CSMD3: variants seen among roughly 807,000 people sequenced by gnomAD.
The protein encoded by CSMD3 is CUB and sushi domain-containing protein 3.
In CSMD3, 177 loss-of-function variants were observed where a neutral mutation model predicts 435.2. The observed-to-expected ratio is 0.41, with a 90% confidence interval of 0.36 to 0.46. The LOEUF (loss-of-function observed/expected upper bound fraction) is 0.46. Among genes scored for constraint, CSMD3 ranks in the 20% least tolerant of loss-of-function variants. The pLI is 0.34. For synonymous variants in CSMD3, 1,656 were observed against 1,520.5 expected (o/e 1.09, Z -2.07); for missense variants, 4,265 against 4,504.6 (o/e 0.95, Z 1.52).
chr8:112,570,274 A>G (rs1337123200), intron 24 of CSMD3, among the ~76,000 whole-genome samples: 1 of 152,198 alleles, frequency 6.6e-6, no homozygotes, highest in Non-Finnish European at 1.5e-5. Context: ...AAAAGATACA[A>G]TTGAACTAAA....
intron 22 of CSMD3, among the ~76,000 whole-genome samples, chr8:112,596,767 C>T (rs1358149679): frequency 6.6e-6 from 1 of 152,074 alleles, no homozygotes; most frequent in East Asian, 1.9e-4. Flanking sequence ...TGAATGACTA[C>T]TGGATACATA....
At chr8:113,383,160 G>A (rs769266079) in intron 1 of CSMD3, among the ~76,000 whole-genome samples, 22 of 152,134 alleles carry the variant, frequency 1.4e-4, no homozygotes, top group South Asian at 6.2e-4. Flanking sequence ...ATGAAAGAAC[G>A]TAAGTCTTAA....
chr8:112,912,877 A>G (rs1280505282), intron 10 of CSMD3, among the ~76,000 whole-genome samples: 1 of 152,040 alleles, frequency 6.6e-6, no homozygotes, highest in East Asian at 1.9e-4. Flanking sequence ...GCAAGAAAAC[A>G]ACTCAATTAA....
At chr8:112,652,616 T>G (rs547239943) in intron 18 of CSMD3, among the ~76,000 whole-genome samples, 1 of 152,292 alleles carries the variant, frequency 6.6e-6, no homozygotes, top group South Asian at 2.1e-4. Flanking sequence ...TGTGGTGCAT[T>G]GATCTAGGAG....
intron 3 of CSMD3, among the ~76,000 whole-genome samples, chr8:113,210,838 G>C (rs144780953): frequency 6.6e-6 from 1 of 151,604 alleles, no homozygotes; most frequent in South Asian, 2.1e-4. Context: ...CAAGAGCACC[G>C]CTGCACTCTA....
chr8:113,377,151 G>T, intron 1 of CSMD3: 1 of 1,246,848 alleles, frequency 8.0e-7, no homozygotes, highest in Non-Finnish European at 1.0e-6. Flanking sequence ...GCCGAGGGGT[G>T]TACGCCCCGG....
intron 47 of CSMD3, 55 bp downstream of exon 47, chr8:112,318,782 G>A: frequency 8.3e-7 from 1 of 1,202,736 alleles, no homozygotes; most frequent in East Asian, 2.5e-5. Context: ...CCTATATTAA[G>A]TTAAACATAA....
intron 1 of CSMD3, among the ~76,000 whole-genome samples, chr8:113,421,876 C>T (rs971481535): frequency 3.3e-5 from 5 of 152,166 alleles, no homozygotes; most frequent in African/African-American, 1.2e-4. Flanking sequence ...AAAAACCACA[C>T]TCTGATAGAA....
intron 17 of CSMD3, among the ~76,000 whole-genome samples, chr8:112,657,566 C>G (rs1016355088): frequency 6.6e-6 from 1 of 152,198 alleles, no homozygotes; most frequent in African/African-American, 2.4e-5. Flanking sequence ...TGTATAACAT[C>G]TATTTTAAAA....
At chr8:113,330,376 AT>A (rs1300364589) in intron 1 of CSMD3, among the ~76,000 whole-genome samples, 1 of 151,972 alleles carries the variant, frequency 6.6e-6, no homozygotes, top group South Asian at 2.1e-4. Flanking sequence ...AACAAAAAAA[AT>A]GAGGCAGTAA....
intron 6 of CSMD3, among the ~76,000 whole-genome samples, chr8:113,014,428 T>C (rs1368528674): frequency 1.3e-5 from 2 of 151,884 alleles, no homozygotes; most frequent in Non-Finnish European, 2.9e-5. Flanking sequence ...GTGGGGCTGA[T>C]TGGCAGCCCC....
intron 24 of CSMD3, among the ~76,000 whole-genome samples, chr8:112,572,106 A>G (rs1480079778): frequency 1.3e-5 from 2 of 151,870 alleles, no homozygotes; most frequent in Non-Finnish European, 2.9e-5. Flanking sequence ...ATATTGCTCA[A>G]TATCATTACT....
At chr8:112,730,130 T>C (rs13273445) in intron 13 of CSMD3, among the ~76,000 whole-genome samples, 9 of 152,102 alleles carry the variant, frequency 5.9e-5, no homozygotes, top group African/African-American at 1.9e-4. Flanking sequence ...TTCCATTTTG[T>C]TTTTGTTTGT....
At chr8:112,347,290 C>T (rs984610903) in intron 40 of CSMD3, among the ~76,000 whole-genome samples, 9 of 152,050 alleles carry the variant, frequency 5.9e-5, no homozygotes, top group African/African-American at 1.9e-4. Context: ...TATTCTTGAC[C>T]GTCTAAAGCA....
intron 10 of CSMD3, among the ~76,000 whole-genome samples, chr8:112,888,664 C>T (rs551856310): frequency 1.3e-5 from 2 of 151,740 alleles, no homozygotes; most frequent in Admixed American, 6.6e-5. Context: ...AAGAAAGATG[C>T]ATTTATTTGT....
In CSMD3 at chr8:113,228,182, C is replaced by A. The variant is rs544970918; in HGVS notation, c.514+50410G>T. ...TTTTAAATAAAGAAGGTTTTCCTGT[C>A]TTCTTAAAAACTTGAAACATTTTGA... On this transcript the variant is annotated intron_variant, in intron 3 of 70. Transcript: ENST00000297405. 2.7e-4 allele frequency among the ~76,000 whole-genome samples: 41 copies of A among 151,524 alleles called. 1 individual carries two copies. In the South Asian group the frequency reaches 8.1e-3, roughly 30 times the overall value.
At chr8:112,370,082 A>AAGAAGAAGAAGAAGAAGTAGT (rs1285510394) in intron 38 of CSMD3, among the ~76,000 whole-genome samples, 57 of 103,524 alleles carry the variant, frequency 5.5e-4, no homozygotes, top group African/African-American at 1.8e-3. Flanking sequence ...GAAGAAGAAG[A>AAGAAGAAGAAGAAGAAGTAGT]AGTAGTAGTA....
intron 40 of CSMD3, among the ~76,000 whole-genome samples, chr8:112,348,540 T>C (rs1455793224): frequency 6.6e-6 from 1 of 152,092 alleles, no homozygotes; most frequent in Non-Finnish European, 1.5e-5. Flanking sequence ...TTTAATACTC[T>C]GTCACATGTA....
At position 112,492,656 on chromosome 8, in the gene CSMD3, G is replaced by T. The variant is rs1295477288; in HGVS notation, c.5111C>A (p.Pro1704Gln). Residue 1704 changes from proline (P) to glutamine (Q), a missense_variant, in exon 31 of 71, where the codon CCA (proline) becomes CAA (glutamine). This residue lies in a region of CSMD3 where 3,255 missense variants were observed against 3,380.2 expected (regional missense o/e 0.96). Transcript: ENST00000297405. The stretch of plus-strand genomic sequence containing the variant: ...TCTGGTGCCATTCATTATATTGCCT[G>T]GATCAAAGCAGGACTCTCGCAGTTT... ...KAKLRESCFD[P>Q]GNIMNGTRLG... 1 of 1,613,588 alleles carries T rather than the reference G, an allele frequency of 6.2e-7. No individual in the cohort carries two copies. Among genetic ancestry groups the T allele is most frequent in the Non-Finnish European group, 8.5e-7 (1 of 1,179,784 alleles).
Sources: gnomAD v4.1 joint callset for allele counts (sites outside exome capture counted in the v4.1 genomes callset) on GRCh38, gnomAD v4.1.1 for gene constraint, gnomAD v4.1.1 regional missense constraint, MANE v1.5 for transcripts, NCBI Gene and HGNC (gene_info 2026-07-23, HGNC 2026-07-21) for gene names.